Variants in GRM7 observed in about 807,000 individuals in gnomAD.
GRM7 encodes the protein glutamate metabotropic receptor 7, also known as metabotropic glutamate receptor 7.
Under a neutral mutation model 84.5 loss-of-function variants are expected in GRM7, and 35 were observed. The observed-to-expected ratio is 0.41, with a 90% CI of 0.32 to 0.55. The LOEUF (loss-of-function observed/expected upper bound fraction) is 0.55, where lower values mean the gene tolerates loss of function less well. GRM7 is among the 20% of genes least tolerant of loss of function. The pLI is 0.19. For missense variants in GRM7, 1,003 were observed against 1,194.6 expected (o/e 0.84, Z 2.36); for synonymous variants, 487 against 455.1 (o/e 1.07, Z -0.89).
In GRM7 at chr3:7,464,981, G is replaced by A. The variant is rs537991293; in HGVS notation, c.1515+3259G>A. 1.4e-3 allele frequency among the ~76,000 whole-genome samples: 218 copies of A among 152,202 alleles called. 1 individual carries two copies. The highest frequency in any genetic ancestry group is 4.5e-3 in the African/African-American group (187 of 41,536). The stretch of plus-strand genomic sequence containing the variant: ...ACTGCACTCCAGCCCTGGCGAGAGT[G>A]CGAGACTCTGTCTCAGAAAAGAAAA... On this transcript the variant is annotated intron_variant, in intron 7 of 9. Coordinates refer to ENST00000357716, the MANE Select transcript of GRM7 (RefSeq NM_000844.4).
intron 1 of GRM7, among the ~76,000 whole-genome samples, chr3:7,098,317 G>A (rs1698928267): frequency 6.6e-6 from 1 of 151,978 alleles, no homozygotes; most frequent in African/African-American, 2.4e-5. Flanking sequence ...GTAAAACCTA[G>A]ATCTAGGAAT....
chr3:7,547,474 G>A (rs1693221638), intron 7 of GRM7, among the ~76,000 whole-genome samples: 1 of 152,132 alleles, frequency 6.6e-6, no homozygotes. Flanking sequence ...CCAAAGTGCT[G>A]GGATTACAGG....
chr3:7,562,683 G>A (rs530921093), intron 7 of GRM7, among the ~76,000 whole-genome samples: 2 of 152,074 alleles, frequency 1.3e-5, no homozygotes, highest in African/African-American at 4.8e-5. Flanking sequence ...AGAATGTTGA[G>A]AGATAGATAT....
intron 1 of GRM7, among the ~76,000 whole-genome samples, chr3:6,961,664 A>G (rs1559354010): frequency 6.6e-6 from 1 of 152,168 alleles, no homozygotes. Flanking sequence ...GACACAATCA[A>G]AAGAAAACGC....
chr3:7,189,117 G>A (rs1487265131), intron 2 of GRM7, among the ~76,000 whole-genome samples: 1 of 152,156 alleles, frequency 6.6e-6, no homozygotes, highest in Non-Finnish European at 1.5e-5. Flanking sequence ...TCCCATAGCA[G>A]TGACAGGAGA....
At position 6,861,365 on chromosome 3, in the gene GRM7, C is replaced by A; in HGVS notation, c.-24C>A. 2.7e-6 allele frequency: 4 copies of A among 1,490,598 alleles called. No individual in the cohort carries two copies. Among genetic ancestry groups the A allele is most frequent in the Non-Finnish European group, 1.8e-6 (2 of 1,131,790 alleles). The allele number at this position is 1,490,598 out of a possible 1,614,324, so 92.3% of individuals were successfully genotyped here. On this transcript the variant is annotated 5_prime_UTR_variant, in exon 1 of 10. Coordinates refer to ENST00000357716, the MANE Select transcript of GRM7 (RefSeq NM_000844.4). The surrounding 1 kb of genome is among the most constrained non-coding windows in gnomAD (Gnocchi z 6.4). ...CCACCGTTCCCTCCAGCGCCGCCGC[C>A]GCCACCGCAGCAGCCGGAGCAGCAT...
intron 8 of GRM7, among the ~76,000 whole-genome samples, chr3:7,644,643 G>A (rs1698536950): frequency 6.6e-6 from 1 of 152,094 alleles, no homozygotes; most frequent in Non-Finnish European, 1.5e-5. Context: ...GGTAGTCCTG[G>A]GAATGTTAGC....
intron 5 of GRM7, among the ~76,000 whole-genome samples, chr3:7,438,097 G>A (rs1697133596): frequency 6.6e-6 from 1 of 152,068 alleles, no homozygotes; most frequent in South Asian, 2.1e-4. Context: ...AGTAAATGAA[G>A]TGGGGAACAG....
intron 8 of GRM7, among the ~76,000 whole-genome samples, chr3:7,643,176 C>T (rs1698439178): frequency 6.6e-6 from 1 of 152,176 alleles, no homozygotes; most frequent in African/African-American, 2.4e-5. Context: ...GAGCCACTGT[C>T]AGAGACAGAA....
chr3:6,909,024 A>G (rs1470132027), intron 1 of GRM7, among the ~76,000 whole-genome samples: 1 of 152,158 alleles, frequency 6.6e-6, no homozygotes, highest in African/African-American at 2.4e-5. Flanking sequence ...ACGTATGTCC[A>G]GGAAAGAAAG....
intron 2 of GRM7, among the ~76,000 whole-genome samples, chr3:7,278,381 A>G (rs1699144955): frequency 6.6e-6 from 1 of 152,110 alleles, no homozygotes; most frequent in African/African-American, 2.4e-5. Context: ...CACTGCTCAG[A>G]TAAATGAAAG....
intron 2 of GRM7, among the ~76,000 whole-genome samples, chr3:7,238,997 C>CTTTTTTTTT (rs1559520012): frequency 2.2e-5 from 3 of 137,606 alleles, no homozygotes; most frequent in Non-Finnish European, 3.1e-5. Context: ...TTCTTTTTTC[C>CTTTTTTTTT]TTTTTCTTTT....
rs554185927 is a variant in GRM7, at chr3:6,871,274, G to T, written c.519+9367G>T. The stretch of plus-strand genomic sequence containing the variant: ...TATTTTGTAAGGTTTAAATTAGTTG[G>T]ATAGGGTGGCTCTTTAATGACAATC... On this transcript the variant is annotated intron_variant, in intron 1 of 9. Coordinates refer to ENST00000357716, the MANE Select transcript of GRM7 (RefSeq NM_000844.4). Among the ~76,000 whole-genome samples, 51 of 152,136 alleles carry T rather than the reference G, an allele frequency of 3.4e-4. 1 individual carries two copies. The South Asian group carries it at 4.8e-3, about 14-fold the overall frequency.
At chr3:7,727,302 A>T (rs1189421411) in intron 9 of GRM7, among the ~76,000 whole-genome samples, 1 of 152,196 alleles carries the variant, frequency 6.6e-6, no homozygotes, top group African/African-American at 2.4e-5. Flanking sequence ...AATGCAGTTA[A>T]CAGGGTCCTT....
chr3:7,534,803 G>A (rs1311296171), intron 7 of GRM7, among the ~76,000 whole-genome samples: 1 of 152,114 alleles, frequency 6.6e-6, no homozygotes, highest in African/African-American at 2.4e-5. Context: ...GGAAATCCAG[G>A]GGTGTCACAG....
intron 2 of GRM7, among the ~76,000 whole-genome samples, chr3:7,199,538 T>A (rs531918969): frequency 6.6e-6 from 1 of 152,330 alleles, no homozygotes; most frequent in African/African-American, 2.4e-5. Flanking sequence ...GAACAGTGGC[T>A]TTTTATGGAG....
At position 6,861,827 on chromosome 3, in the gene GRM7, C is replaced by T. The variant is rs766337748; in HGVS notation, c.439C>T (p.Pro147Ser). The T allele has an allele frequency of 4.3e-6, 7 of 1,614,168 alleles. No homozygotes were observed. In the East Asian group the frequency reaches 8.9e-5, roughly 21 times the overall value. The change falls in exon 1 of 10, where the codon CCG becomes TCG. Residue 147 changes from proline to serine, a missense_variant. By Grantham distance (74) the Pro-to-Ser change is moderately conservative (BLOSUM62 -1). This residue lies in a region of GRM7 where 910 missense variants were observed against 1,126.0 expected (regional missense o/e 0.81). Coordinates refer to ENST00000357716, the MANE Select transcript of GRM7 (RefSeq NM_000844.4). This position sits in a 1 kb window ranked among gnomAD's most constrained non-coding sequence, Gnocchi z 6.4. The stretch of plus-strand genomic sequence containing the variant: ...CGGCGAACCGCCGGTTTTCGTCAAG[C>T]CGGAGAAAGTAGTTGGAGTGATTGG... Reference protein sequence around the residue: ...TNGEPPVFVKPEKVVGVIGAS... With the variant: ...TNGEPPVFVKSEKVVGVIGAS...
At chr3:7,256,375 A>G (rs904775109) in intron 2 of GRM7, among the ~76,000 whole-genome samples, 5 of 152,192 alleles carry the variant, frequency 3.3e-5, no homozygotes, top group Admixed American at 2.0e-4. Flanking sequence ...TGAAAGAATA[A>G]AATTAATTTT....
At chr3:7,608,116 T>A in intron 8 of GRM7, 1 of 220,202 alleles carries the variant, frequency 4.5e-6, no homozygotes, top group Non-Finnish European at 1.0e-5. Context: ...CCACATTTTC[T>A]TTATCCACTC....
Sources: gnomAD v4.1 joint callset for allele counts (sites outside exome capture counted in the v4.1 genomes callset) on GRCh38, gnomAD v4.1.1 for gene constraint, gnomAD v4.1.1 regional missense constraint, Gnocchi (gnomAD v3.1) non-coding constraint, MANE v1.5 for transcripts, NCBI Gene and HGNC (gene_info 2026-07-23, HGNC 2026-07-21) for gene names.